The following TAPT1 variants were observed in gnomAD, a reference collection of about 807,000 sequenced individuals.
TAPT1 encodes transmembrane anterior posterior transformation 1, also known as transmembrane anterior posterior transformation protein 1 homolog.
TAPT1 carries 28 observed loss-of-function variants against 65.6 expected under a neutral mutation model. The ratio of observed to expected loss-of-function variants is 0.43; its 90% CI spans 0.32 to 0.59. TAPT1 has a LOEUF of 0.59. TAPT1 is among the 20% of genes least tolerant of loss of function. TAPT1 has a pLI of 0.09. For missense variants in TAPT1, 563 were observed against 679.9 expected (o/e 0.83, Z 1.91); for synonymous variants, 278 against 245.2 (o/e 1.13, Z -1.25).
In TAPT1 at chr4:16,174,664, G is replaced by C; in HGVS notation, c.1167+6C>G. 1 of 1,586,980 alleles carries C rather than the reference G, an allele frequency of 6.3e-7. No individual in the cohort carries two copies. Among genetic ancestry groups the C allele is most frequent in the South Asian group, 1.2e-5 (1 of 86,766 alleles). On this transcript the variant is annotated splice_donor_region_variant and intron_variant, in intron 10 of 13. Coordinates refer to ENST00000405303, the MANE Select transcript of TAPT1 (RefSeq NM_153365.3). ...ATTTCAGACTACGCCCTTGATAAAT[G>C]CTCACATTTTTCTGTCGGCTGCTAA...
chr4:16,215,880 G>A (rs1030180740), intron 1 of TAPT1, among the ~76,000 whole-genome samples: 1 of 152,140 alleles, frequency 6.6e-6, no homozygotes, highest in African/African-American at 2.4e-5. Context: ...AACCTTTTGA[G>A]TTGCAAACAA....
At chr4:16,199,965 G>A (rs1430314803) in intron 3 of TAPT1, among the ~76,000 whole-genome samples, 1 of 152,130 alleles carries the variant, frequency 6.6e-6, no homozygotes, top group Non-Finnish European at 1.5e-5. Flanking sequence ...ATGAACTTGA[G>A]TGCAACACAG....
intron 1 of TAPT1, among the ~76,000 whole-genome samples, chr4:16,214,789 G>C (rs1263257747): frequency 1.3e-5 from 2 of 152,124 alleles, no homozygotes; most frequent in Non-Finnish European, 2.9e-5. Context: ...CCAGAACGCA[G>C]GTTACCAAAA....
intron 13 of TAPT1, among the ~76,000 whole-genome samples, chr4:16,165,825 A>ACCTAC (rs1560680252): frequency 1.3e-5 from 2 of 151,818 alleles, no homozygotes; most frequent in African/African-American, 4.8e-5. Flanking sequence ...TGCTCACACC[A>ACCTAC]CCTACCCTGC....
chr4:16,190,314 T>C (rs1249023688), intron 4 of TAPT1: 2 of 151,802 alleles, frequency 1.3e-5, no homozygotes. Flanking sequence ...CCCCCAAAAA[T>C]AAAATATAAA....
chr4:16,223,803 C>G (rs1371017011), intron 1 of TAPT1, among the ~76,000 whole-genome samples: 1 of 151,948 alleles, frequency 6.6e-6, no homozygotes, highest in Admixed American at 6.5e-5. Flanking sequence ...TCAGACACCA[C>G]GTTTTATTTT....
chr4:16,218,863 A>G (rs1470091398), intron 1 of TAPT1, among the ~76,000 whole-genome samples: 1 of 152,228 alleles, frequency 6.6e-6, no homozygotes, highest in Non-Finnish European at 1.5e-5. Flanking sequence ...ACAAATAAGT[A>G]TATTTAACAA....
intron 11 of TAPT1, among the ~76,000 whole-genome samples, chr4:16,172,426 A>G (rs1186668780): frequency 6.6e-6 from 1 of 152,104 alleles, no homozygotes; most frequent in Non-Finnish European, 1.5e-5. Context: ...TAGTTGTAGT[A>G]AACAAATGCG....
chr4:16,207,747 G>T (rs987218375), intron 2 of TAPT1, among the ~76,000 whole-genome samples: 1 of 152,124 alleles, frequency 6.6e-6, no homozygotes, highest in Non-Finnish European at 1.5e-5. Flanking sequence ...AACAATAATA[G>T]TCTATGCCTA....
intron 12 of TAPT1, among the ~76,000 whole-genome samples, chr4:16,167,697 T>C (rs1747732357): frequency 6.6e-6 from 1 of 152,186 alleles, no homozygotes; most frequent in Non-Finnish European, 1.5e-5. Context: ...GTAAGGTGCT[T>C]AGAGCAGTGC....
intron 9 of TAPT1, chr4:16,174,948 G>T: frequency 8.4e-6 from 3 of 356,458 alleles, no homozygotes; most frequent in Non-Finnish European, 1.0e-5. Flanking sequence ...TCTTCTAAAG[G>T]TTTTTCTTTA....
rs564518114 is a variant in TAPT1 at position 16,223,573 on chromosome 4, G to A, written c.199+2686C>T. ...ACTATGTTAAAAGGTGTAAGTACTC[G>A]CATCTGAGACATGCGTCAGCCTATT... is the stretch of plus-strand genomic sequence containing the variant. On this transcript the variant is annotated intron_variant, in intron 1 of 13. Transcript: ENST00000405303. Among the ~76,000 whole-genome samples the A allele has an allele frequency of 2.0e-5, 3 of 152,278 alleles. No homozygotes were observed. In the South Asian group the frequency reaches 6.2e-4, roughly 32 times the overall value.
chr4:16,187,276 A>C (rs776509571), intron 5 of TAPT1, among the ~76,000 whole-genome samples: 5 of 152,224 alleles, frequency 3.3e-5, no homozygotes, highest in Non-Finnish European at 5.9e-5. Flanking sequence ...CTGAATTAAA[A>C]TAATTTGCAT....
In TAPT1 at chr4:16,176,170, C is replaced by T. The variant is rs748889531; in HGVS notation, c.1056G>A (p.Val352=). 1 of 1,577,774 alleles carries T rather than the reference C, an allele frequency of 6.3e-7. No individual in the cohort carries two copies. The change falls in exon 9 of 14, where the codon GTG becomes GTA. Residue 352 remains valine (V), a synonymous_variant. Coordinates refer to ENST00000405303, the MANE Select transcript of TAPT1 (RefSeq NM_153365.3). ...VCMVIASEIA[V]DIVKHAFITK... ...TAATAAAGGCATGTTTTACAATATC[C>T]ACGGCAATTTCTGATGCAATTACCA...
At chr4:16,227,152 A>G, upstream of TAPT1, 1 of 455,942 alleles carries the variant, frequency 2.2e-6, no homozygotes, top group Non-Finnish European at 4.4e-6. Flanking sequence ...TTTGGGCAAG[A>G]AGGAGCTTGG....
chr4:16,210,276 C>T (rs1265750514), intron 2 of TAPT1, among the ~76,000 whole-genome samples: 2 of 152,096 alleles, frequency 1.3e-5, no homozygotes, highest in East Asian at 1.9e-4. Context: ...TTAGCAAAGT[C>T]GAATTTAGTG....
chr4:16,202,497 T>A lies in TAPT1; in HGVS notation c.414A>T (p.Leu138=). The A allele has an allele frequency of 6.4e-7, 1 of 1,551,910 alleles. No individual in the cohort carries two copies. The highest frequency in any genetic ancestry group is 8.7e-7 in the Non-Finnish European group (1 of 1,147,374). Residue 138 remains leucine (L), a synonymous_variant, in exon 3 of 14, where the codon CTA becomes CTT. Coordinates refer to ENST00000405303, the MANE Select transcript of TAPT1 (RefSeq NM_153365.3). ...TLLPLRVFLA[L]FRLLTLPCYG... ...AGCAAGGCAAAGTGAGGAGCCTGAA[T>A]AGTGCCAGGAAAACTCTTAAAGGAA...
At position 16,181,629 on chromosome 4, in the gene TAPT1, G is replaced by C. The variant is rs887468626; in HGVS notation, c.917-1972C>G. On this transcript the variant is annotated intron_variant, in intron 7 of 13. Transcript: ENST00000405303. ...TTTTTTGAGACAAGAGTCTTGCTTT[G>C]TCTCCCAGGCTGGATGCAGCCTCCA... Among the ~76,000 whole-genome samples, 4 of 152,184 alleles carry C rather than the reference G, an allele frequency of 2.6e-5. No homozygotes were observed. The South Asian group carries it at 8.3e-4, about 32-fold the overall frequency.
rs1367004171 is a variant in TAPT1, at chr4:16,226,436, C to A, written c.22G>T (p.Ala8Ser). 1.3e-5 allele frequency: 14 copies of A among 1,074,892 alleles called. 1 individual carries two copies. The East Asian group carries it at 9.1e-4, about 70-fold the overall frequency. The allele number at this position is 1,074,892 out of a possible 1,614,324, so 66.6% of individuals were successfully genotyped here. The stretch of plus-strand genomic sequence containing the variant: ...CCACCGCCGCCTTCTCCCGGAGCGG[C>A]CGCGTCGCCGACGCCCGCCATGTTC... MAGVGDAAAPGEGGGGGV... is the reference protein window; with the variant it reads MAGVGDASAPGEGGGGGV... The change falls in exon 1 of 14, where the codon GCC becomes TCC. Residue 8 changes from alanine to serine, a missense_variant. Coordinates refer to ENST00000405303, the MANE Select transcript of TAPT1 (RefSeq NM_153365.3).
Sources: allele counts gnomAD v4.1 joint callset (sites outside exome capture counted in the v4.1 genomes callset), GRCh38; gene constraint gnomAD v4.1.1; transcripts MANE v1.5; gene names NCBI Gene and HGNC (gene_info 2026-07-23, HGNC 2026-07-21).